Variants in PIEZO2 observed in about 807,000 individuals in gnomAD.
PIEZO2 encodes the protein piezo type mechanosensitive ion channel component 2, also known as piezo-type mechanosensitive ion channel component 2.
PIEZO2 carries 172 observed loss-of-function variants against 337.3 expected under a neutral mutation model. The ratio of observed to expected loss-of-function variants is 0.51; its 90% CI spans 0.45 to 0.58. The LOEUF (loss-of-function observed/expected upper bound fraction) is 0.58, where lower values mean the gene tolerates loss of function less well. PIEZO2 is among the 20% of genes least tolerant of loss of function. PIEZO2 has a pLI of 0.00. For missense variants in PIEZO2, 3,028 were observed against 3,391.3 expected, an observed-to-expected ratio of 0.89 and a Z score of 2.66; for synonymous variants, 1,251 against 1,228.5, an observed-to-expected ratio of 1.02 and a Z score of -0.38.
rs2042168240 is a variant in PIEZO2 at position 10,872,691 on chromosome 18, G to C, written c.330-1276C>G. ...AGTGATGTGTAGTGCTGTAACCACAGTACCTATTACTATTATTAAAGCCAC... is the reference window on the plus strand; with the variant it reads ...AGTGATGTGTAGTGCTGTAACCACACTACCTATTACTATTATTAAAGCCAC... On this transcript the variant is annotated intron_variant, in intron 4 of 55. Transcript: ENST00000674853. The surrounding 1 kb of genome is among the most constrained non-coding windows in gnomAD (Gnocchi z 4.3). Among the ~76,000 whole-genome samples the C allele has an allele frequency of 1.3e-5, 2 of 152,188 alleles. No homozygotes were observed. The highest frequency in any genetic ancestry group is 4.8e-5 in the African/African-American group (2 of 41,450).
Position 10,877,249 on chromosome 18 carries a change from T to C in PIEZO2, c.330-5834A>G, listed in dbSNP as rs1352281880. On this transcript the variant is annotated intron_variant, in intron 4 of 55. Coordinates refer to ENST00000674853, the MANE Select transcript of PIEZO2 (RefSeq NM_001378183.1). The surrounding 1 kb of genome is among the most constrained non-coding windows in gnomAD (Gnocchi z 5.3). ...ATCCACATGGTGACTTATCCATTCA[T>C]TTCAATCAGAATCACAGATCAATGA... is the stretch of plus-strand genomic sequence containing the variant. Among the ~76,000 whole-genome samples the C allele has an allele frequency of 1.3e-5, 2 of 152,238 alleles. No individual in the cohort carries two copies. Among genetic ancestry groups the C allele is most frequent in the Non-Finnish European group, 2.9e-5 (2 of 68,030 alleles).
rs909692939 is a variant in PIEZO2 at position 11,099,137 on chromosome 18, A to C, written c.65-32915T>G. On this transcript the variant is annotated intron_variant, in intron 1 of 55. Transcript: ENST00000674853. The surrounding 1 kb of genome is among the most constrained non-coding windows in gnomAD (Gnocchi z 5.4). ...AGACTGCAGATTTTTCATAGTTAAC[A>C]TGAATTATTTAACCAATTCCCTGAC... 6.6e-6 allele frequency among the ~76,000 whole-genome samples: 1 copy of C among 152,126 alleles called. No homozygotes were observed. Among genetic ancestry groups the C allele is most frequent in the Non-Finnish European group, 1.5e-5 (1 of 68,032 alleles).
intron 1 of PIEZO2, among the ~76,000 whole-genome samples, chr18:11,134,006 G>C (rs1043244136): frequency 6.6e-6 from 1 of 152,096 alleles, no homozygotes; most frequent in Non-Finnish European, 1.5e-5. Context: ...TATAGGGCAA[G>C]TTAAGGATTT....
rs749553994 is a variant in PIEZO2, at chr18:10,855,478, G to T, written c.792C>A (p.Asp264Glu). The T allele has an allele frequency of 1.6e-5, 25 of 1,537,004 alleles. No individual in the cohort carries two copies. The South Asian group carries it at 2.6e-4, about 16-fold the overall frequency. Residue 264 changes from aspartate (D) to glutamate (E), a missense_variant, in exon 7 of 56, where the codon GAC becomes GAA. Asp to Glu is a conservative substitution (Grantham distance 45, BLOSUM62 2). This residue lies in a region of PIEZO2 where 542 missense variants were observed against 605.6 expected (regional missense o/e 0.89). Transcript: ENST00000674853. This position sits in a 1 kb window ranked among gnomAD's most constrained non-coding sequence, Gnocchi z 4.9. ...CACAGAGACAGCTGAACAGCAATGG[G>T]TCGAACGTCCGGCACCAGGACCACC... ...CTWWSWCRTF[D>E]PLLFSCLCVL...
rs1289417200 is a variant in PIEZO2 at position 10,993,869 on chromosome 18, T to C, written c.161-14209A>G. The stretch of plus-strand genomic sequence containing the variant: ...TTATTATTAATTTTAAAATTTTTCA[T>C]TTCCATAGGTTTTGGGGAACAGGTG... On this transcript the variant is annotated intron_variant, in intron 2 of 55. Transcript: ENST00000674853. This position sits in a 1 kb window ranked among gnomAD's most constrained non-coding sequence, Gnocchi z 5.0. Among the ~76,000 whole-genome samples, 1 of 152,148 alleles carries C rather than the reference T, an allele frequency of 6.6e-6. No individual in the cohort carries two copies. The highest frequency in any genetic ancestry group is 1.5e-5 in the Non-Finnish European group (1 of 68,032).
At position 10,727,972 on chromosome 18, in the gene PIEZO2, AAAG is replaced by A. The variant is rs968569752; in HGVS notation, c.5029+3432_5029+3434del. 19 of 152,242 alleles carry A rather than the reference AAAG, an allele frequency of 1.2e-4. No individual in the cohort carries two copies. The highest frequency in any genetic ancestry group is 4.6e-4 in the African/African-American group (19 of 41,388). 9.4% of individuals were successfully genotyped at this position (152,242 alleles called of 1,614,324 possible). A position where few individuals can be genotyped will look rare whatever the true frequency, so the allele number is the denominator to read the frequency against. On this transcript the variant is annotated intron_variant, in intron 36 of 55. Coordinates refer to ENST00000674853, the MANE Select transcript of PIEZO2 (RefSeq NM_001378183.1). The surrounding 1 kb of genome is among the most constrained non-coding windows in gnomAD (Gnocchi z 6.3). ...AGTAATAACAAAAAAAAAAAAGAAA[AAAG>A]AAAAAAAGGGATAAGAAGCCTGACA... is the stretch of plus-strand genomic sequence containing the variant.
intron 21 of PIEZO2, among the ~76,000 whole-genome samples, chr18:10,764,258 C>A (rs2038261229): frequency 6.6e-6 from 1 of 152,164 alleles, no homozygotes; most frequent in East Asian, 1.9e-4. Flanking sequence ...ATAGCATGCT[C>A]TCATTTGATA....
intron 44 of PIEZO2, among the ~76,000 whole-genome samples, chr18:10,698,534 A>G (rs2035198874): frequency 6.6e-6 from 1 of 152,212 alleles, no homozygotes; most frequent in Admixed American, 6.5e-5. Flanking sequence ...GTTTGGCTAA[A>G]AGTTCTCATC....
chr18:11,016,250 G>A lies in PIEZO2; in HGVS notation c.161-36590C>T, dbSNP rs1273441209. Among the ~76,000 whole-genome samples, 1 of 152,210 alleles carries A rather than the reference G, an allele frequency of 6.6e-6. No individual in the cohort carries two copies. The highest frequency in any genetic ancestry group is 1.5e-5 in the Non-Finnish European group (1 of 68,042). On this transcript the variant is annotated intron_variant, in intron 2 of 55. Coordinates refer to ENST00000674853, the MANE Select transcript of PIEZO2 (RefSeq NM_001378183.1). The surrounding 1 kb of genome is among the most constrained non-coding windows in gnomAD (Gnocchi z 5.6). The stretch of plus-strand genomic sequence containing the variant: ...ACAGGGAAAGAAACAGGCCAAGAGT[G>A]GCCAGAGTATGTAAGAGAATGGGAT...
chr18:10,729,672 T>C (rs1046405853), intron 36 of PIEZO2, among the ~76,000 whole-genome samples: 3 of 151,810 alleles, frequency 2.0e-5, no homozygotes, highest in African/African-American at 7.3e-5. Flanking sequence ...ATGAGGCTTA[T>C]CTTTAATCAT....
Position 10,750,125 on chromosome 18 carries a change from G to A in PIEZO2, c.4230C>T (p.Phe1410=), listed in dbSNP as rs1351428186. The change falls in exon 29 of 56, where the codon TTC becomes TTT. Residue 1410 remains phenylalanine (F), a synonymous_variant. Coordinates refer to ENST00000674853, the MANE Select transcript of PIEZO2 (RefSeq NM_001378183.1). This position sits in a 1 kb window ranked among gnomAD's most constrained non-coding sequence, Gnocchi z 4.1. The part of the protein sequence containing the change: ...VHNSCWLIQA[F]SLACTVKGYQ... ...AGCCTTTGACTGTGCAGGCCAGGCT[G>A]AAAGCCTGGATCAACCAACAACTAT... 1 of 1,537,028 alleles carries A rather than the reference G, an allele frequency of 6.5e-7. No individual in the cohort carries two copies. The highest frequency in any genetic ancestry group is 8.7e-7 in the Non-Finnish European group (1 of 1,146,696).
At chr18:10,880,073 A>G (rs1452521392) in intron 4 of PIEZO2, among the ~76,000 whole-genome samples, 1 of 152,182 alleles carries the variant, frequency 6.6e-6, no homozygotes, top group Non-Finnish European at 1.5e-5. Flanking sequence ...GCTTGGTGAA[A>G]GCTGGTTGGT....
chr18:10,771,347 T>TA (rs1290311726), intron 20 of PIEZO2, among the ~76,000 whole-genome samples: 34 of 152,372 alleles, frequency 2.2e-4, no homozygotes, highest in African/African-American at 7.9e-4. Flanking sequence ...TGATAATTTT[T>TA]AATCAAATTA....
intron 26 of PIEZO2, 39 bp from the exon 27 acceptor site, chr18:10,758,173 C>T (rs1391395973): frequency 1.3e-6 from 2 of 1,526,858 alleles, no homozygotes; most frequent in Admixed American, 2.0e-5. Flanking sequence ...CCGCCTCATC[C>T]TCTTCTGATT....
intron 26 of PIEZO2, 96 bp from the exon 27 acceptor site, chr18:10,758,230 G>A: frequency 7.6e-7 from 1 of 1,324,466 alleles, no homozygotes; most frequent in Non-Finnish European, 1.0e-6. Context: ...CCATTCCCCA[G>A]CTCCTAAGTG....
Position 10,876,256 on chromosome 18 carries a change from G to T in PIEZO2, c.330-4841C>A, listed in dbSNP as rs867487235. On this transcript the variant is annotated intron_variant, in intron 4 of 55. Coordinates refer to ENST00000674853, the MANE Select transcript of PIEZO2 (RefSeq NM_001378183.1). ...ACAGTCATTGGTCCAGTCAATGTGA[G>T]AAACTCACAATGCATACTATTATAC... is the stretch of plus-strand genomic sequence containing the variant. 4.6e-5 allele frequency among the ~76,000 whole-genome samples: 7 copies of T among 152,324 alleles called. No homozygotes were observed. In the South Asian group the frequency reaches 8.3e-4, roughly 18 times the overall value.
intron 18 of PIEZO2, among the ~76,000 whole-genome samples, chr18:10,779,222 C>A (rs1242667765): frequency 3.3e-5 from 5 of 152,112 alleles, no homozygotes; most frequent in African/African-American, 9.7e-5. Flanking sequence ...TGGTTGTCTG[C>A]CTTAGGATTT....
chr18:10,725,545 C>T, intron 36 of PIEZO2: 1 of 1,376,934 alleles, frequency 7.3e-7, no homozygotes. Flanking sequence ...GCCCCACTAA[C>T]TCCCCCTTTT....
chr18:10,951,576 C>T (rs1397266249), intron 3 of PIEZO2, among the ~76,000 whole-genome samples: 1 of 152,236 alleles, frequency 6.6e-6, no homozygotes, highest in African/African-American at 2.4e-5. Flanking sequence ...GGCTCCCTTC[C>T]ACCTATAGGT....
Sources: allele counts gnomAD v4.1 joint callset (sites outside exome capture counted in the v4.1 genomes callset), GRCh38; gene constraint gnomAD v4.1.1; regional missense constraint gnomAD v4.1.1; non-coding constraint Gnocchi (gnomAD v3.1); transcripts MANE v1.5; gene names NCBI Gene and HGNC (gene_info 2026-07-23, HGNC 2026-07-21).